The following XPO7 variants were observed in gnomAD, a reference collection of about 807,000 sequenced individuals.
XPO7 encodes the protein exportin-7.
Under a neutral mutation model 144.3 loss-of-function variants are expected in XPO7, and 21 were observed. The observed-to-expected ratio is 0.15, with a 90% CI of 0.10 to 0.21. XPO7 has a LOEUF of 0.21. XPO7 is among the 10% of genes least tolerant of loss of function. The probability of loss-of-function intolerance (pLI) is 1.00; values close to 1 mark genes in which losing one functional copy is unlikely to be tolerated. For missense variants in XPO7, 808 were observed against 1,325.8 expected (o/e 0.61, Z 6.06); for synonymous variants, 580 against 499.6 (o/e 1.16, Z -2.15).
intron 1 of XPO7, among the ~76,000 whole-genome samples, chr8:21,937,841 AC>A: frequency 6.6e-6 from 1 of 152,362 alleles, no homozygotes; most frequent in East Asian, 1.9e-4. Flanking sequence ...TAGGAATGTT[AC>A]GTAAATGAGA....
intron 10 of XPO7, 86 bp downstream of exon 10, chr8:21,981,963 T>C: frequency 6.4e-7 from 1 of 1,554,366 alleles, no homozygotes; most frequent in South Asian, 1.2e-5. Flanking sequence ...TATATTTTTT[T>C]TTCTTGGCAA....
In XPO7 at chr8:22,002,312, C is replaced by T. The variant is rs755134825; in HGVS notation, c.2943+40C>T. The T allele has an allele frequency of 5.6e-6, 9 of 1,596,418 alleles. No individual in the cohort carries two copies. In the East Asian group the frequency reaches 1.1e-4, roughly 20 times the overall value. On this transcript the variant is annotated intron_variant, in intron 25 of 27. Transcript: ENST00000252512. Reference sequence around the variant, plus strand: ...GCTTAGGAGGCAGTGATGGGGTGTCCGACAGAGGAAGGACCTCTGCAAGAC... The same window carrying T: ...GCTTAGGAGGCAGTGATGGGGTGTCTGACAGAGGAAGGACCTCTGCAAGAC...
At chr8:21,938,948 C>G (rs552278595) in intron 1 of XPO7, among the ~76,000 whole-genome samples, 39 of 152,138 alleles carry the variant, frequency 2.6e-4, no homozygotes, top group Non-Finnish European at 4.9e-4. Context: ...GAATAATTGC[C>G]CTTCTGTCTG....
chr8:21,981,486 A>G (rs1205429034), intron 9 of XPO7, among the ~76,000 whole-genome samples: 5 of 152,208 alleles, frequency 3.3e-5, no homozygotes, highest in Non-Finnish European at 7.3e-5. Context: ...TGAGGCTAAT[A>G]ATGTCATCTC....
At chr8:21,934,147 A>T (rs912133297) in intron 1 of XPO7, among the ~76,000 whole-genome samples, 1 of 152,244 alleles carries the variant, frequency 6.6e-6, no homozygotes, top group African/African-American at 2.4e-5. Context: ...TCAGTAAATT[A>T]TACCAATAAA....
chr8:21,966,913 C>T lies in XPO7; in HGVS notation c.75C>T (p.Thr25=), dbSNP rs1811903166. Residue 25 remains threonine (T), a synonymous_variant, in exon 2 of 28, where the codon ACC becomes ACT. Coordinates refer to ENST00000252512, the MANE Select transcript of XPO7 (RefSeq NM_015024.5). ...AGCTGTATGAAACCACAGACACAAC[C>T]ACTCGACTCCAGGCAGAGAAAGCCT... ...CKQLYETTDT[T]TRLQAEKALV... The T allele has an allele frequency of 6.2e-7, 1 of 1,613,840 alleles. No individual in the cohort carries two copies. Among genetic ancestry groups the T allele is most frequent in the Admixed American group, 1.7e-5 (1 of 60,008 alleles).
intron 8 of XPO7, among the ~76,000 whole-genome samples, 160 bp downstream of exon 8, chr8:21,978,003 G>A (rs1056836881): frequency 6.6e-6 from 1 of 152,138 alleles, no homozygotes; most frequent in Non-Finnish European, 1.5e-5. Flanking sequence ...TAGCCTAAAG[G>A]TTCCAGCCAT....
At chr8:21,956,140 A>G (rs1811527892) in intron 1 of XPO7, among the ~76,000 whole-genome samples, 1 of 152,154 alleles carries the variant, frequency 6.6e-6, no homozygotes, top group African/African-American at 2.4e-5. Context: ...TACACCCCCA[A>G]AGATAACTTT....
intron 1 of XPO7, among the ~76,000 whole-genome samples, chr8:21,938,732 C>G (rs1260497509): frequency 6.6e-6 from 1 of 151,588 alleles, no homozygotes; most frequent in African/African-American, 2.4e-5. Context: ...ATTCCGAATA[C>G]CCTTATATTA....
chr8:21,940,613 T>TG (rs1810959594), intron 1 of XPO7, among the ~76,000 whole-genome samples: 1 of 151,776 alleles, frequency 6.6e-6, no homozygotes, highest in Admixed American at 6.6e-5. Context: ...GAATTACAGG[T>TG]GCATGCCACC....
chr8:21,965,453 C>T (rs1276693882), intron 1 of XPO7, among the ~76,000 whole-genome samples: 1 of 152,144 alleles, frequency 6.6e-6, no homozygotes, highest in Non-Finnish European at 1.5e-5. Flanking sequence ...TTTCTCTGTG[C>T]TTTTGAATTG....
chr8:21,952,728 A>G (rs1400636276), intron 1 of XPO7, among the ~76,000 whole-genome samples: 2 of 152,240 alleles, frequency 1.3e-5, no homozygotes, highest in African/African-American at 4.8e-5. Context: ...TGTCAGTGTT[A>G]TAACGCCTGT....
chr8:21,982,969 A>C (rs916562770), intron 11 of XPO7, among the ~76,000 whole-genome samples, 157 bp downstream of exon 11: 2 of 152,230 alleles, frequency 1.3e-5, no homozygotes, highest in Non-Finnish European at 2.9e-5. Flanking sequence ...GTAGCATGAG[A>C]GCATAAAGCC....
In XPO7 at chr8:21,947,841, C is replaced by T. The variant is rs77279840; in HGVS notation, c.19-19016C>T. Among the ~76,000 whole-genome samples the T allele has an allele frequency of 1.7e-3, 263 of 152,244 alleles. 1 individual carries two copies. The highest frequency in any genetic ancestry group is 6.1e-3 in the African/African-American group (254 of 41,546). ...AGAGGCCTTTACAGATTACAAGTCA[C>T]TAAATAACAAAAGATTGAGCTTCTC... On this transcript the variant is annotated intron_variant, in intron 1 of 27. Coordinates refer to ENST00000252512, the MANE Select transcript of XPO7 (RefSeq NM_015024.5).
intron 10 of XPO7, among the ~76,000 whole-genome samples, chr8:21,982,429 C>G (rs1426181340): frequency 6.6e-6 from 1 of 152,070 alleles, no homozygotes; most frequent in Non-Finnish European, 1.5e-5. Context: ...GCTTACACAG[C>G]CAGCATAGAG....
At chr8:21,956,531 C>G (rs1241602776) in intron 1 of XPO7, among the ~76,000 whole-genome samples, 1 of 152,120 alleles carries the variant, frequency 6.6e-6, no homozygotes, top group Non-Finnish European at 1.5e-5. Flanking sequence ...TCTGTTCTGT[C>G]TTTCTGTAAC....
intron 1 of XPO7, among the ~76,000 whole-genome samples, chr8:21,929,878 C>T (rs1563309295): frequency 6.6e-6 from 1 of 151,956 alleles, no homozygotes; most frequent in Non-Finnish European, 1.5e-5. Context: ...CATAGTCATT[C>T]TCTTTGGCAA....
At chr8:21,926,254 T>A (rs1254518510) in intron 1 of XPO7, among the ~76,000 whole-genome samples, 1 of 152,202 alleles carries the variant, frequency 6.6e-6, no homozygotes, top group Non-Finnish European at 1.5e-5. Flanking sequence ...TGTAATCTTA[T>A]AACTGTAGTG....
chr8:21,920,498 G>A (rs1810242981), intron 1 of XPO7, among the ~76,000 whole-genome samples: 1 of 152,186 alleles, frequency 6.6e-6, no homozygotes, highest in Non-Finnish European at 1.5e-5. Context: ...GGAGGGGGGT[G>A]TGTCTGAAAT....
Sources: gnomAD v4.1 joint callset for allele counts (sites outside exome capture counted in the v4.1 genomes callset) on GRCh38, gnomAD v4.1.1 for gene constraint, MANE v1.5 for transcripts, NCBI Gene and HGNC (gene_info 2026-07-23, HGNC 2026-07-21) for gene names.